The following TEX35 variants were observed in gnomAD, a reference collection of about 807,000 sequenced individuals.
TEX35 encodes the protein testis expressed 35.
Under a neutral mutation model 31.9 loss-of-function variants are expected in TEX35, and 26 were observed. The observed-to-expected ratio is 0.81, with a 90% CI of 0.60 to 1.13. The LOEUF (loss-of-function observed/expected upper bound fraction) is 1.13. Among genes scored for constraint, TEX35 ranks in the 50% most tolerant of loss-of-function variants. The pLI is 0.00. For synonymous variants in TEX35, 87 were observed against 90.7 expected (o/e 0.96, Z 0.23); for missense variants, 278 against 273.5 (o/e 1.02, Z -0.12).
intron 7 of TEX35, 59 bp downstream of exon 7, chr1:178,520,933 GGTGACTTCCCC>G (rs1271983961): frequency 6.2e-7 from 1 of 1,602,214 alleles, no homozygotes; most frequent in African/African-American, 1.3e-5. Context: ...CCGGCTCCCT[GGTGACTTCCCC>G]GAGCTTGTGC....
rs775970662 is a variant in TEX35, at chr1:178,522,309, C to T, written c.587-16C>T. The T allele has an allele frequency of 3.8e-6, 6 of 1,567,044 alleles. No homozygotes were observed. The African/African-American group carries it at 6.8e-5, about 18-fold the overall frequency. Reference sequence around the variant, plus strand: ...ACCCCCTTGAAGGTTTCCTCTCCCTCCCTCCACCCCCAAAGGGAACATTCC... The same window carrying T: ...ACCCCCTTGAAGGTTTCCTCTCCCTTCCTCCACCCCCAAAGGGAACATTCC... On this transcript the variant is annotated splice_polypyrimidine_tract_variant and intron_variant, in intron 8 of 8. Transcript: ENST00000319416.
chr1:178,514,099 A>T (rs1649980165), intron 2 of TEX35, 22 bp downstream of exon 2: 6 of 1,614,096 alleles, frequency 3.7e-6, no homozygotes, highest in Non-Finnish European at 5.1e-6. Flanking sequence ...TTTTGAGGCC[A>T]TGCAGGCAGC....
intron 1 of TEX35, among the ~76,000 whole-genome samples, chr1:178,513,509 GC>G (rs1329156897): frequency 6.6e-6 from 1 of 152,254 alleles, no homozygotes; most frequent in Non-Finnish European, 1.5e-5. Flanking sequence ...CACGGCCCAT[GC>G]CAGGCCTGCC....
At chr1:178,520,247 C>T in intron 5 of TEX35, 125 bp from the exon 6 acceptor site, 1 of 940,518 alleles carries the variant, frequency 1.1e-6, no homozygotes, top group Non-Finnish European at 1.6e-6. Flanking sequence ...CCAAAAGCCA[C>T]CTCACCCAAG....
Position 178,513,166 on chromosome 1 carries a change from A to G in TEX35, c.-23A>G, listed in dbSNP as rs1419049514. The G allele has an allele frequency of 6.2e-7, 1 of 1,613,886 alleles. No homozygotes were observed. ...CCCAGGGGCTGTTGTGGGGAGTTGAAGAACACCCTGGCCTCCTCCATCATG... is the reference window on the plus strand; with the variant it reads ...CCCAGGGGCTGTTGTGGGGAGTTGAGGAACACCCTGGCCTCCTCCATCATG... On this transcript the variant is annotated 5_prime_UTR_variant, in exon 1 of 9. Coordinates refer to ENST00000319416, the MANE Select transcript of TEX35 (RefSeq NM_032126.5).
At chr1:178,513,315 G>A in intron 1 of TEX35, 88 bp downstream of exon 1, 3 of 1,511,054 alleles carry the variant, frequency 2.0e-6, no homozygotes, top group Non-Finnish European at 1.8e-6. Context: ...TACAGAGAAT[G>A]CTCGCATGAA....
At chr1:178,523,385 T>C (rs963848495), downstream of TEX35, 8 of 621,502 alleles carry the variant, frequency 1.3e-5, no homozygotes, top group African/African-American at 3.7e-5. Context: ...CTGTTCTCCA[T>C]AGTGGCTGTA....
At chr1:178,518,620 AT>A (rs1007035125) in intron 5 of TEX35, among the ~76,000 whole-genome samples, 1 of 152,246 alleles carries the variant, frequency 6.6e-6, no homozygotes, top group African/African-American at 2.4e-5. Flanking sequence ...GTTAAAAAAA[AT>A]AAGCAAATAT....
intron 8 of TEX35, chr1:178,521,994 G>A (rs1650303123): frequency 1.3e-6 from 1 of 793,386 alleles, no homozygotes; most frequent in Non-Finnish European, 1.9e-6. Flanking sequence ...CATTCCACCT[G>A]GGTCTGCAAA....
chr1:178,520,902 A>G (rs1466383387), intron 7 of TEX35, 28 bp downstream of exon 7: 2 of 1,612,382 alleles, frequency 1.2e-6, no homozygotes, highest in Non-Finnish European at 1.7e-6. Context: ...CGAGCCCAGC[A>G]CTGGTGCCAG....
downstream of TEX35, among the ~76,000 whole-genome samples, chr1:178,522,983 T>G (rs539252632): frequency 1.1e-4 from 17 of 152,338 alleles, no homozygotes; most frequent in African/African-American, 4.1e-4. Flanking sequence ...GTAACCATCC[T>G]TCTACTCTAT....
chr1:178,523,257 G>T, downstream of TEX35: 1 of 699,280 alleles, frequency 1.4e-6, no homozygotes, highest in South Asian at 1.5e-5. Context: ...CAACAAATGT[G>T]AGAGTGCAGA....
chr1:178,523,083 A>C (rs1172407954), downstream of TEX35, among the ~76,000 whole-genome samples: 1 of 152,206 alleles, frequency 6.6e-6, no homozygotes, highest in African/African-American at 2.4e-5. Flanking sequence ...TTATTTCACT[A>C]AACATAATGA....
intron 2 of TEX35, 56 bp downstream of exon 2, chr1:178,514,133 T>C (rs1349075976): frequency 1.2e-6 from 2 of 1,613,642 alleles, no homozygotes; most frequent in East Asian, 2.2e-5. Context: ...CATGGGGAAG[T>C]GACCAGGAGT....
At chr1:178,516,722 C>A (rs764906471) in intron 5 of TEX35, 48 bp downstream of exon 5, 2 of 1,396,272 alleles carry the variant, frequency 1.4e-6, no homozygotes, top group Admixed American at 1.9e-5. Context: ...ATACTGGAAA[C>A]TGTGGAAGAG....
intron 3 of TEX35, among the ~76,000 whole-genome samples, chr1:178,515,503 AT>A (rs1023630052): frequency 6.6e-6 from 1 of 152,012 alleles, no homozygotes; most frequent in African/African-American, 2.4e-5. Flanking sequence ...CAGGCTGTGC[AT>A]TTTTTGGCAG....
chr1:178,523,416 C>T (rs1323609737), downstream of TEX35: 8 of 535,682 alleles, frequency 1.5e-5, no homozygotes, highest in Admixed American at 2.5e-4. Flanking sequence ...TTCCCACCAA[C>T]AGTGTACAAA....
chr1:178,515,266 C>T (rs982389809), intron 3 of TEX35, among the ~76,000 whole-genome samples: 7 of 152,148 alleles, frequency 4.6e-5, no homozygotes, highest in African/African-American at 1.7e-4. Flanking sequence ...CACCACCATG[C>T]CCAGCTAATT....
intron 3 of TEX35, 37 bp from the exon 4 acceptor site, chr1:178,515,822 T>A: frequency 2.6e-6 from 4 of 1,559,074 alleles, no homozygotes; most frequent in Non-Finnish European, 3.5e-6. Flanking sequence ...TCCTAGATAT[T>A]TCTTTCCTCC....
Sources: gnomAD v4.1 joint callset for allele counts (sites outside exome capture counted in the v4.1 genomes callset) on GRCh38, gnomAD v4.1.1 for gene constraint, MANE v1.5 for transcripts, NCBI Gene and HGNC (gene_info 2026-07-23, HGNC 2026-07-21) for gene names.